The following PAPOLA variants were observed in gnomAD, a reference collection of about 807,000 sequenced individuals.
PAPOLA encodes the protein polynucleotide adenylyltransferase alpha.
PAPOLA carries 15 observed loss-of-function variants against 100.6 expected under a neutral mutation model. That is an observed-to-expected ratio of 0.15 (90% CI 0.10 to 0.23). The LOEUF is 0.23. Ranked by LOEUF, PAPOLA falls within the 10% of genes least tolerant of loss-of-function variation. PAPOLA has a pLI of 1.00. For missense variants in PAPOLA, 533 were observed against 884.2 expected, an observed-to-expected ratio of 0.60 and a Z score of 5.04; for synonymous variants, 293 against 300.0, an observed-to-expected ratio of 0.98 and a Z score of 0.24.
intron 9 of PAPOLA, 158 bp downstream of exon 9, chr14:96,532,807 ACTGAAACTATTT>A: frequency 7.4e-7 from 1 of 1,343,654 alleles, no homozygotes; most frequent in South Asian, 2.2e-5. Flanking sequence ...AAAATGGCAA[ACTGAAACTATTT>A]TTTTTCCCTA....
rs147212252 is a variant in PAPOLA at position 96,558,843 on chromosome 14, C to T, written c.2005-1806C>T. On this transcript the variant is annotated intron_variant, in intron 19 of 21. Transcript: ENST00000216277. ...TTAACAATTTATTAATATCATCAAA[C>T]ATCTAGTCAGTGCTCAAATGGCCCC... Among the ~76,000 whole-genome samples the T allele has an allele frequency of 2.0e-5, 3 of 152,196 alleles. No homozygotes were observed. The East Asian group carries it at 5.8e-4, about 29-fold the overall frequency.
intron 19 of PAPOLA, among the ~76,000 whole-genome samples, chr14:96,557,183 C>T (rs980238245): frequency 6.6e-6 from 1 of 152,048 alleles, no homozygotes; most frequent in Admixed American, 6.6e-5. Context: ...GTAGCTGGGA[C>T]TACAGGTGCG....
chr14:96,503,459 C>T (rs545391620), intron 1 of PAPOLA, among the ~76,000 whole-genome samples: 1 of 151,918 alleles, frequency 6.6e-6, no homozygotes, highest in East Asian at 1.9e-4. Context: ...TTTTTCTCCC[C>T]TCCCCCTTTC....
At chr14:96,508,506 A>G (rs998316791) in intron 1 of PAPOLA, among the ~76,000 whole-genome samples, 2 of 152,212 alleles carry the variant, frequency 1.3e-5, no homozygotes, top group East Asian at 3.8e-4. Flanking sequence ...CTCAGTTCCT[A>G]TCCCTGATTG....
intron 1 of PAPOLA, among the ~76,000 whole-genome samples, chr14:96,511,355 G>A (rs1897096235): frequency 1.3e-5 from 2 of 152,082 alleles, no homozygotes; most frequent in Non-Finnish European, 1.5e-5. Context: ...GAGCCCAGGC[G>A]TTCGACACCA....
At chr14:96,547,642 T>A in intron 15 of PAPOLA, 155 bp from the exon 16 acceptor site, 2 of 524,196 alleles carry the variant, frequency 3.8e-6, no homozygotes, top group Non-Finnish European at 6.7e-6. Context: ...GCTCAGGCAA[T>A]GAATTATGTC....
chr14:96,519,694 T>C (rs1409742881), intron 1 of PAPOLA, among the ~76,000 whole-genome samples: 2 of 152,254 alleles, frequency 1.3e-5, no homozygotes, highest in Non-Finnish European at 2.9e-5. Context: ...GAATGTCTTA[T>C]ATTGGTAAAG....
chr14:96,520,030 T>TA (rs754161010), intron 1 of PAPOLA, 25 bp from the exon 2 acceptor site: 2 of 1,558,696 alleles, frequency 1.3e-6, no homozygotes, highest in Non-Finnish European at 1.7e-6. Flanking sequence ...CTTTTGGCAG[T>TA]AATTGTATCC....
At chr14:96,550,604 G>T (rs1900768628) in intron 16 of PAPOLA, among the ~76,000 whole-genome samples, 1 of 152,014 alleles carries the variant, frequency 6.6e-6, no homozygotes, top group Non-Finnish European at 1.5e-5. Context: ...TTTTTAAAAG[G>T]TTTTTGATTA....
intron 20 of PAPOLA, 147 bp downstream of exon 20, chr14:96,560,858 C>T (rs867841654): frequency 1.2e-5 from 7 of 561,466 alleles, no homozygotes; most frequent in African/African-American, 1.9e-5. Context: ...ATGCTGAACA[C>T]TGAAGGGAAT....
chr14:96,551,100 A>G (rs561990283), intron 16 of PAPOLA, among the ~76,000 whole-genome samples: 1 of 152,292 alleles, frequency 6.6e-6, no homozygotes, highest in South Asian at 2.1e-4. Flanking sequence ...ATTTATGACT[A>G]TTTGGCTTTG....
intron 4 of PAPOLA, chr14:96,527,184 C>T: frequency 4.4e-6 from 2 of 454,336 alleles, no homozygotes; most frequent in South Asian, 3.5e-5. Context: ...GCTGAGCCAT[C>T]TTTCTTTGGG....
chr14:96,514,938 T>C (rs1214449386), intron 1 of PAPOLA, among the ~76,000 whole-genome samples: 1 of 152,088 alleles, frequency 6.6e-6, no homozygotes, highest in Non-Finnish European at 1.5e-5. Flanking sequence ...TTTATCAGAT[T>C]GTTTTTGAGT....
At chr14:96,546,954 C>T (rs1376236555) in intron 15 of PAPOLA, among the ~76,000 whole-genome samples, 2 of 152,098 alleles carry the variant, frequency 1.3e-5, no homozygotes, top group Non-Finnish European at 2.9e-5. Context: ...AGCTTACATC[C>T]TCATGTTCAT....
intron 1 of PAPOLA, chr14:96,504,370 G>A (rs1373156331): frequency 6.6e-6 from 1 of 152,192 alleles, no homozygotes; most frequent in Non-Finnish European, 1.5e-5. Context: ...AAAGACCTTA[G>A]GTATTTCAAA....
At chr14:96,509,033 G>A (rs917120098) in intron 1 of PAPOLA, among the ~76,000 whole-genome samples, 4 of 152,080 alleles carry the variant, frequency 2.6e-5, no homozygotes, top group Admixed American at 2.0e-4. Flanking sequence ...TAGCTCAGTT[G>A]GAGTCTTTAT....
At chr14:96,532,284 T>TTGTG (rs10533972) in intron 7 of PAPOLA, 47 bp from the exon 8 acceptor site, 195 of 1,431,952 alleles carry the variant, frequency 1.4e-4, no homozygotes, top group African/African-American at 2.5e-4. Context: ...TTGTTTTGTT[T>TTGTG]TGTGTGTGTG....
chr14:96,525,027 A>G (rs1898346757), intron 3 of PAPOLA, among the ~76,000 whole-genome samples: 1 of 152,236 alleles, frequency 6.6e-6, no homozygotes, highest in African/African-American at 2.4e-5. Flanking sequence ...GTGGGATTAC[A>G]TGATCTTCTC....
chr14:96,503,200 C>T (rs927291138), intron 1 of PAPOLA, among the ~76,000 whole-genome samples: 2 of 152,240 alleles, frequency 1.3e-5, no homozygotes, highest in Non-Finnish European at 2.9e-5. Flanking sequence ...CCTGCCTCCA[C>T]CTCCGCCTCC....
Sources: gnomAD v4.1 joint callset for allele counts (sites outside exome capture counted in the v4.1 genomes callset) on GRCh38, gnomAD v4.1.1 for gene constraint, MANE v1.5 for transcripts, NCBI Gene and HGNC (gene_info 2026-07-23, HGNC 2026-07-21) for gene names.